Variants in ARID3B observed in about 807,000 individuals in gnomAD.
The protein encoded by ARID3B is AT-rich interaction domain 3B.
ARID3B carries 10 observed loss-of-function variants against 51.9 expected under a neutral mutation model. That is an observed-to-expected ratio of 0.19 (90% CI 0.12 to 0.33). The LOEUF (loss-of-function observed/expected upper bound fraction) is 0.33. Among genes scored for constraint, ARID3B ranks in the 10% least tolerant of loss-of-function variants. ARID3B has a pLI of 1.00. For missense variants in ARID3B, 483 were observed against 716.3 expected (o/e 0.67, Z 3.72); for synonymous variants, 205 against 279.5 (o/e 0.73, Z 2.66).
In ARID3B at chr15:74,593,884, C is replaced by CA. The variant is rs997693883; in HGVS notation, c.1519+657dup. ...AGCAAAATCCCAAATCTACAAAATA[C>CA]AAAAAAAAATAGCCAGGCATGGTGG... On this transcript the variant is annotated intron_variant, in intron 8 of 8. Coordinates refer to ENST00000346246, the MANE Select transcript of ARID3B (RefSeq NM_006465.4). 9.0e-4 allele frequency among the ~76,000 whole-genome samples: 134 copies of CA among 149,292 alleles called. No homozygotes were observed. In the East Asian group the frequency reaches 0.021, roughly 24 times the overall value.
chr15:74,579,662 C>T (rs965255633), intron 4 of ARID3B, among the ~76,000 whole-genome samples: 10 of 152,302 alleles, frequency 6.6e-5, no homozygotes, highest in Admixed American at 6.5e-4. Flanking sequence ...ATGCTTCTCT[C>T]CTGTCCTTGC....
intron 4 of ARID3B, among the ~76,000 whole-genome samples, chr15:74,589,113 C>T (rs2061793933): frequency 7.2e-6 from 1 of 139,658 alleles, no homozygotes; most frequent in South Asian, 2.4e-4. Flanking sequence ...CTGCAAGCTC[C>T]GCCTCCCGGG....
intron 2 of ARID3B, among the ~76,000 whole-genome samples, chr15:74,571,432 C>A (rs1462514740): frequency 1.1e-4 from 17 of 152,214 alleles, no homozygotes; most frequent in Admixed American, 1.1e-3. Flanking sequence ...ACCTGTGGTC[C>A]TGTGGGAGAA....
chr15:74,542,208 GC>G (rs2061597896), intron 1 of ARID3B, among the ~76,000 whole-genome samples: 1 of 152,184 alleles, frequency 6.6e-6, no homozygotes, highest in African/African-American at 2.4e-5. Context: ...CGAATTATTT[GC>G]TTTATTCTGT....
chr15:74,582,398 C>T (rs1198012347), intron 4 of ARID3B, among the ~76,000 whole-genome samples: 3 of 152,118 alleles, frequency 2.0e-5, no homozygotes, highest in Non-Finnish European at 4.4e-5. Context: ...AAACTCCCGA[C>T]CTCAGGTGAT....
rs373067993 is a variant in ARID3B at position 74,552,122 on chromosome 15, C to T, written c.552+7634C>T. ...TGCCGCCCAGGCTAGAGTGCTGTGGCGTGATCTTGGCTCACTGCAATCTCC... is the reference window on the plus strand; with the variant it reads ...TGCCGCCCAGGCTAGAGTGCTGTGGTGTGATCTTGGCTCACTGCAATCTCC... On this transcript the variant is annotated intron_variant, in intron 2 of 8. Transcript: ENST00000346246. Among the ~76,000 whole-genome samples, 57 of 129,200 alleles carry T rather than the reference C, an allele frequency of 4.4e-4. No homozygotes were observed. In the South Asian group the frequency reaches 7.4e-3, roughly 17 times the overall value. 84.8% of individuals were successfully genotyped at this position (129,200 alleles called of 152,430 possible). A position where few individuals can be genotyped will look rare whatever the true frequency, so the allele number is the denominator to read the frequency against.
intron 4 of ARID3B, among the ~76,000 whole-genome samples, chr15:74,585,465 G>T (rs1424785447): frequency 1.3e-5 from 2 of 152,192 alleles, no homozygotes; most frequent in Non-Finnish European, 2.9e-5. Flanking sequence ...CTGTATCAAG[G>T]CCACTTGACA....
intron 2 of ARID3B, among the ~76,000 whole-genome samples, chr15:74,552,098 G>C (rs1410139498): frequency 8.8e-6 from 1 of 113,808 alleles, no homozygotes; most frequent in Admixed American, 1.3e-4. Context: ...GTCTCGCTCT[G>C]CCGCCCAGGC....
At chr15:74,555,212 G>A (rs953281746) in intron 2 of ARID3B, among the ~76,000 whole-genome samples, 2 of 152,194 alleles carry the variant, frequency 1.3e-5, no homozygotes, top group Admixed American at 6.5e-5. Context: ...TTTGTTGATA[G>A]AAGGTCCTGC....
intron 8 of ARID3B, 52 bp from the exon 9 acceptor site, chr15:74,595,555 TGGCC>T: frequency 6.3e-7 from 1 of 1,575,574 alleles, no homozygotes. Context: ...TGAAAGGAGC[TGGCC>T]CTCCCCTTCG....
intron 2 of ARID3B, among the ~76,000 whole-genome samples, chr15:74,571,139 G>A (rs1037906959): frequency 3.3e-5 from 5 of 152,136 alleles, no homozygotes; most frequent in African/African-American, 9.7e-5. Flanking sequence ...TGCTGCTATC[G>A]GAAAGTGGGT....
At chr15:74,592,331 C>T (rs2061806916) in intron 7 of ARID3B, among the ~76,000 whole-genome samples, 1 of 152,198 alleles carries the variant, frequency 6.6e-6, no homozygotes, top group Non-Finnish European at 1.5e-5. Flanking sequence ...TTCTGGTGCC[C>T]CACATTCTCT....
chr15:74,551,185 C>T (rs144766653), intron 2 of ARID3B, among the ~76,000 whole-genome samples: 3 of 152,298 alleles, frequency 2.0e-5, no homozygotes, highest in African/African-American at 7.2e-5. Context: ...AAGGGTCAAT[C>T]ATAATTTTTC....
intron 4 of ARID3B, among the ~76,000 whole-genome samples, chr15:74,578,011 C>G (rs1052346175): frequency 1.3e-5 from 2 of 151,338 alleles, no homozygotes; most frequent in Non-Finnish European, 2.9e-5. Flanking sequence ...CCATGCACCA[C>G]CATGCCTGGC....
Position 74,597,577 on chromosome 15 carries a change from T to A in ARID3B, c.*1803T>A. On this transcript the variant is annotated 3_prime_UTR_variant, in exon 9 of 9. Coordinates refer to ENST00000346246, the MANE Select transcript of ARID3B (RefSeq NM_006465.4). Reference sequence around the variant, plus strand: ...CCTCCTCTGGCCTCAGCCTGCAGGGTGTGGGCAGAGAAGGGCATCTGGGAC... The same window carrying A: ...CCTCCTCTGGCCTCAGCCTGCAGGGAGTGGGCAGAGAAGGGCATCTGGGAC... The A allele has an allele frequency of 1.9e-6, 1 of 535,110 alleles. No individual in the cohort carries two copies. The highest frequency in any genetic ancestry group is 1.5e-5 in the South Asian group (1 of 65,126). The allele number at this position is 535,110 out of a possible 1,614,324, so 33.1% of individuals were successfully genotyped here.
chr15:74,549,664 T>C (rs901594234), intron 2 of ARID3B, among the ~76,000 whole-genome samples: 1 of 151,684 alleles, frequency 6.6e-6, no homozygotes, highest in Non-Finnish European at 1.5e-5. Flanking sequence ...AAAAAGAAAA[T>C]GTTCGTAGGC....
At position 74,591,306 on chromosome 15, in the gene ARID3B, CT is replaced by C; in HGVS notation, c.1038del (p.Ala347ProfsTer48). 1 of 1,613,886 alleles carries C rather than the reference CT, an allele frequency of 6.2e-7. No individual in the cohort carries two copies. Among genetic ancestry groups the C allele is most frequent in the Non-Finnish European group, 8.5e-7 (1 of 1,179,958 alleles). ...TACTCACCTGCTGCGGCTACTGCTGCTGCCGCTGCCGGGGCCCCTGCCCTTC... is the reference window on the plus strand; with the variant it reads ...TACTCACCTGCTGCGGCTACTGCTGCGCCGCTGCCGGGGCCCCTGCCCTTC... ...FGYSPAAATA[A>X]AAAGAPALLS... On this transcript the variant is annotated frameshift_variant, in exon 6 of 9. Transcript: ENST00000346246. LOFTEE classifies it high-confidence loss of function. The surrounding 1 kb of genome is among the most constrained non-coding windows in gnomAD (Gnocchi z 5.8).
chr15:74,590,569 G>A (rs530657094), intron 5 of ARID3B, among the ~76,000 whole-genome samples: 2 of 152,354 alleles, frequency 1.3e-5, no homozygotes, highest in Admixed American at 6.5e-5. Context: ...GAAACCAATA[G>A]TAGCACTGAA....
At chr15:74,578,310 A>T (rs533816634) in intron 4 of ARID3B, among the ~76,000 whole-genome samples, 1 of 151,700 alleles carries the variant, frequency 6.6e-6, no homozygotes, top group East Asian at 1.9e-4. Flanking sequence ...AGTAGCTGGG[A>T]TTACAGGCAT....
Sources: gnomAD v4.1 joint callset for allele counts (sites outside exome capture counted in the v4.1 genomes callset) on GRCh38, gnomAD v4.1.1 for gene constraint, Gnocchi (gnomAD v3.1) non-coding constraint, MANE v1.5 for transcripts, NCBI Gene and HGNC (gene_info 2026-07-23, HGNC 2026-07-21) for gene names.